The following COPG2 variants were observed in gnomAD, a reference collection of about 807,000 sequenced individuals.
The protein encoded by COPG2 is coatomer subunit gamma-2.
A neutral mutation model predicts 46.3 loss-of-function variants in COPG2; 37 were observed. The observed-to-expected ratio is 0.80, with a 90% CI of 0.61 to 1.05. The LOEUF is 1.05. Among genes scored for constraint, COPG2 ranks in the 50% least tolerant of loss-of-function variants. The pLI, the probability that COPG2 is intolerant of heterozygous loss-of-function variation, is 0.00. For missense variants in COPG2, 427 were observed against 387.8 expected (o/e 1.10, Z -0.85); for synonymous variants, 159 against 129.7 (o/e 1.23, Z -1.53).
rs187146058 is a variant in COPG2 at position 130,636,163 on chromosome 7, G to A, written c.323+16706C>T. Among the ~76,000 whole-genome samples the A allele has an allele frequency of 8.5e-5, 13 of 152,298 alleles. No homozygotes were observed. The East Asian group carries it at 2.5e-3, about 29-fold the overall frequency. On this transcript the variant is annotated intron_variant, in intron 5 of 23. Coordinates refer to ENST00000425248, the MANE Select transcript of COPG2 (RefSeq NM_012133.6). Reference sequence around the variant, plus strand: ...TAGAATATGTCCAATGTGGTGTGGAGAAGAATGTATATTCCGTTGATTTGG... The same window carrying A: ...TAGAATATGTCCAATGTGGTGTGGAAAAGAATGTATATTCCGTTGATTTGG...
intron 5 of COPG2, among the ~76,000 whole-genome samples, chr7:130,646,955 A>G (rs1554458325): frequency 2.9e-5 from 3 of 104,910 alleles, no homozygotes; most frequent in African/African-American, 1.5e-4. Context: ...ATATATATAT[A>G]TGCATATATA....
intron 20 of COPG2, among the ~76,000 whole-genome samples, chr7:130,522,898 G>A (rs994287581): frequency 2.6e-5 from 4 of 151,582 alleles, no homozygotes; most frequent in East Asian, 2.0e-4. Flanking sequence ...TGGGTGGATC[G>A]CTTGAGGTCA....
chr7:130,659,006 C>T (rs1554460259), intron 4 of COPG2, among the ~76,000 whole-genome samples: 1 of 151,960 alleles, frequency 6.6e-6, no homozygotes, highest in Non-Finnish European at 1.5e-5. Context: ...TAAGTGGTAA[C>T]AAATTTTAAC....
intron 20 of COPG2, chr7:130,509,041 AAAAAAAAAAC>A (rs1563032180): frequency 1.8e-5 from 8 of 439,658 alleles, no homozygotes; most frequent in African/African-American, 1.6e-4. Flanking sequence ...AAAAAAAAAC[AAAAAAAAAAC>A]CTGTGGTAAA....
intron 9 of COPG2, among the ~76,000 whole-genome samples, chr7:130,569,057 G>A (rs1793851838): frequency 1.3e-5 from 2 of 152,216 alleles, no homozygotes; most frequent in Admixed American, 6.5e-5. Context: ...CAAAAAAGGT[G>A]CTAAGAGGAA....
chr7:130,516,383 A>T (rs1205482192), intron 20 of COPG2, among the ~76,000 whole-genome samples: 1 of 152,216 alleles, frequency 6.6e-6, no homozygotes, highest in African/African-American at 2.4e-5. Flanking sequence ...ATATGTATCC[A>T]TCACTATGAA....
chr7:130,522,421 C>T (rs1427592231), intron 20 of COPG2, among the ~76,000 whole-genome samples: 22 of 151,990 alleles, frequency 1.4e-4, no homozygotes, highest in Non-Finnish European at 2.9e-4. Flanking sequence ...ATGTAAACTT[C>T]AAGGATAGGA....
intron 20 of COPG2, chr7:130,511,038 G>A: frequency 5.9e-6 from 3 of 511,698 alleles, no homozygotes; most frequent in Non-Finnish European, 1.2e-5. Context: ...CAACCACTAA[G>A]GAGATTTGTA....
intron 20 of COPG2, among the ~76,000 whole-genome samples, chr7:130,533,896 C>T (rs898772828): frequency 7.4e-5 from 10 of 135,382 alleles, no homozygotes; most frequent in South Asian, 2.4e-4. Context: ...CTATGTGGGT[C>T]GTGAGATGGG....
At chr7:130,570,216 A>C (rs1793872523) in intron 9 of COPG2, among the ~76,000 whole-genome samples, 1 of 152,194 alleles carries the variant, frequency 6.6e-6, no homozygotes, top group South Asian at 2.1e-4. Context: ...CAATCAAACA[A>C]GAGAAAGAAA....
At chr7:130,630,250 G>A (rs1795204996) in intron 5 of COPG2, among the ~76,000 whole-genome samples, 1 of 152,024 alleles carries the variant, frequency 6.6e-6, no homozygotes, top group Non-Finnish European at 1.5e-5. Context: ...CCAATGTTTT[G>A]TAGTTTTTAG....
intron 9 of COPG2, among the ~76,000 whole-genome samples, chr7:130,601,363 C>T (rs1445715778): frequency 1.2e-4 from 18 of 152,146 alleles, no homozygotes; most frequent in East Asian, 3.8e-4. Context: ...CACATGCACA[C>T]GTATGTTTAT....
At chr7:130,623,178 A>G (rs956083689) in intron 5 of COPG2, among the ~76,000 whole-genome samples, 12 of 152,106 alleles carry the variant, frequency 7.9e-5, no homozygotes, top group African/African-American at 2.9e-4. Flanking sequence ...ATAATCCTCA[A>G]CCAACAGGAA....
intron 20 of COPG2, among the ~76,000 whole-genome samples, chr7:130,522,124 A>T (rs1162148112): frequency 6.6e-6 from 1 of 152,200 alleles, no homozygotes; most frequent in Non-Finnish European, 1.5e-5. Context: ...TGGTAAACAG[A>T]TTATAGTGGC....
At chr7:130,568,637 GC>G (rs1410404459) in intron 9 of COPG2, among the ~76,000 whole-genome samples, 59 of 152,260 alleles carry the variant, frequency 3.9e-4, no homozygotes, top group African/African-American at 1.4e-3. Context: ...TCCACTGACA[GC>G]ACGAGACAGG....
At chr7:130,634,200 T>TG (rs35891261) in intron 5 of COPG2, among the ~76,000 whole-genome samples, 1 of 152,144 alleles carries the variant, frequency 6.6e-6, no homozygotes, top group Non-Finnish European at 1.5e-5. Flanking sequence ...CTTGGCTATG[T>TG]GGGATCTTTT....
chr7:130,606,501 T>C (rs538768860), intron 9 of COPG2, among the ~76,000 whole-genome samples: 3 of 152,222 alleles, frequency 2.0e-5, no homozygotes, highest in East Asian at 1.9e-4. Context: ...TTGAGTAAGG[T>C]AGATCCTTGT....
chr7:130,539,608 T>C (rs949135873), intron 20 of COPG2, among the ~76,000 whole-genome samples: 2 of 152,010 alleles, frequency 1.3e-5, no homozygotes, highest in Non-Finnish European at 2.9e-5. Flanking sequence ...GACAGGCAGG[T>C]ACCTTCCCTT....
At chr7:130,548,668 C>T (rs1440774032) in intron 18 of COPG2, 126 bp from the exon 19 acceptor site, 13 of 381,762 alleles carry the variant, frequency 3.4e-5, no homozygotes, top group Non-Finnish European at 5.1e-5. Flanking sequence ...TTTGGGAGGC[C>T]GAGGCAGGCG....
Sources: gnomAD v4.1 joint callset for allele counts (sites outside exome capture counted in the v4.1 genomes callset) on GRCh38, gnomAD v4.1.1 for gene constraint, MANE v1.5 for transcripts, NCBI Gene and HGNC (gene_info 2026-07-23, HGNC 2026-07-21) for gene names.